The following DHRS12 variants were observed in gnomAD, a reference collection of about 807,000 sequenced individuals.
The protein encoded by DHRS12 is dehydrogenase/reductase SDR family member 12.
DHRS12 carries 29 observed loss-of-function variants against 32.1 expected under a neutral mutation model. That is an observed-to-expected ratio of 0.90 (90% CI 0.67 to 1.23). The LOEUF is 1.23. Ranked by LOEUF, DHRS12 falls within the 50% of genes most tolerant of loss-of-function variation. DHRS12 has a pLI of 0.00. For missense variants in DHRS12, 330 were observed against 337.2 expected, an observed-to-expected ratio of 0.98 and a Z score of 0.17; for synonymous variants, 150 against 135.9, an observed-to-expected ratio of 1.10 and a Z score of -0.72.
chr13:51,791,856 T>C (rs1257956938), intron 2 of DHRS12, among the ~76,000 whole-genome samples: 1 of 152,230 alleles, frequency 6.6e-6, no homozygotes, highest in Non-Finnish European at 1.5e-5. Flanking sequence ...CGAATAGTCT[T>C]TGTCTTTCTG....
At chr13:51,794,679 G>A (rs1435448753) in intron 2 of DHRS12, among the ~76,000 whole-genome samples, 1 of 152,058 alleles carries the variant, frequency 6.6e-6, no homozygotes, top group African/African-American at 2.4e-5. Flanking sequence ...CATAACTCCA[G>A]TGTAATCATC....
At chr13:51,756,007 C>T in the DHRS12 span, among the ~76,000 whole-genome samples, 1 of 151,782 alleles carries the variant, frequency 6.6e-6, no homozygotes, top group South Asian at 2.1e-4. Context: ...ACGGCAGTTT[C>T]TCAGACACCC....
chr13:51,799,718 A>G (rs1422399838), intron 1 of DHRS12, 51 bp from the exon 2 acceptor site: 19 of 1,597,576 alleles, frequency 1.2e-5, no homozygotes, highest in Non-Finnish European at 1.6e-5. Context: ...TGGGGAACAC[A>G]AACCCCTGCA....
chr13:51,786,191 G>A (rs1954947198), intron 4 of DHRS12, among the ~76,000 whole-genome samples: 1 of 152,226 alleles, frequency 6.6e-6, no homozygotes, highest in Non-Finnish European at 1.5e-5. Flanking sequence ...AAGAGCTAAG[G>A]CACCACTGCC....
At position 51,804,103 on chromosome 13, in the gene DHRS12, G is replaced by A; in HGVS notation, c.-58C>T. The A allele has an allele frequency of 6.7e-7, 1 of 1,490,262 alleles. No individual in the cohort carries two copies. 92.3% of individuals were successfully genotyped at this position (1,490,262 alleles called of 1,614,324 possible). ...GCGAACCACACGACGCTGCGGTACAGGGACATGCCGGGAGCGCCCCACGCC... is the reference window on the plus strand; with the variant it reads ...GCGAACCACACGACGCTGCGGTACAAGGACATGCCGGGAGCGCCCCACGCC... On this transcript the variant is annotated 5_prime_UTR_variant, in exon 1 of 9. Coordinates refer to ENST00000444610, the MANE Select transcript of DHRS12 (RefSeq NM_001377533.1).
chr13:51,774,565 TCTCCTACATGTATTCTC>T (rs1954262775), intron 5 of DHRS12: 2 of 13,322 alleles, frequency 1.5e-4, no homozygotes, highest in East Asian at 5.4e-3. Flanking sequence ...CTACATGTAT[TCTCCTACATGTATTCTC>T]CTACAGTATT....
At chr13:51,776,543 A>C (rs909168360) in intron 5 of DHRS12, 3 of 160,964 alleles carry the variant, frequency 1.9e-5, no homozygotes, top group Non-Finnish European at 4.1e-5. Flanking sequence ...AAGGTGACAT[A>C]GTCACAGGTT....
At chr13:51,772,735 T>C (rs1247098293) in intron 6 of DHRS12, 2 of 985,368 alleles carry the variant, frequency 2.0e-6, no homozygotes, top group African/African-American at 3.5e-5. Context: ...GGTAGTTTGA[T>C]CATGCTTGGC....
intron 7 of DHRS12, chr13:51,771,473 C>G: frequency 6.2e-7 from 1 of 1,614,184 alleles, no homozygotes; most frequent in Non-Finnish European, 8.5e-7. Flanking sequence ...CCACTACCTT[C>G]CTCAGCTCCT....
In DHRS12 at chr13:51,768,369, CA is replaced by C. The variant is rs1241073250; in HGVS notation, c.698-74del. The C allele has an allele frequency of 9.8e-6, 15 of 1,529,690 alleles. No homozygotes were observed. The Admixed American group carries it at 3.0e-4, about 30-fold the overall frequency. The allele number at this position is 1,529,690 out of a possible 1,614,324, so 94.8% of individuals were successfully genotyped here. A position where few individuals can be genotyped will look rare whatever the true frequency, so the allele number is the denominator to read the frequency against. Reference sequence around the variant, plus strand: ...GCTGGGTCCATGTCCCTGTGCTGCTCAGGCCTTGAACCGACGCCTGCTGGAG... The same window carrying C: ...GCTGGGTCCATGTCCCTGTGCTGCTCGGCCTTGAACCGACGCCTGCTGGAG... On this transcript the variant is annotated intron_variant, in intron 8 of 8. Transcript: ENST00000444610.
chr13:51,755,664 T>C, the DHRS12 span, among the ~76,000 whole-genome samples: 4 of 152,194 alleles, frequency 2.6e-5, no homozygotes, highest in Admixed American at 2.0e-4. Flanking sequence ...TGGTTCCCAG[T>C]AAGCAGTTAG....
the DHRS12 span, chr13:51,756,312 A>G: frequency 5.6e-6 from 9 of 1,608,418 alleles, no homozygotes; most frequent in African/African-American, 5.4e-5. Context: ...ATGAGTATCT[A>G]TTTTATCTCC....
At chr13:51,773,170 G>T in intron 6 of DHRS12, 1 of 735,324 alleles carries the variant, frequency 1.4e-6, no homozygotes, top group Non-Finnish European at 1.7e-6. Flanking sequence ...GCCCAGAAGT[G>T]TTTCAAGTTT....
chr13:51,801,225 C>T (rs1183609546), intron 1 of DHRS12, among the ~76,000 whole-genome samples: 1 of 152,176 alleles, frequency 6.6e-6, no homozygotes, highest in Non-Finnish European at 1.5e-5. Flanking sequence ...CCCACCCTGT[C>T]GCCCAGGATG....
chr13:51,797,829 G>C (rs1342078971), intron 2 of DHRS12: 2 of 1,535,088 alleles, frequency 1.3e-6, no homozygotes, highest in Admixed American at 3.9e-5. Context: ...TGCTCACCTG[G>C]TTACCGCTCT....
intron 4 of DHRS12, among the ~76,000 whole-genome samples, chr13:51,779,193 G>C (rs958376605): frequency 1.3e-5 from 2 of 152,082 alleles, no homozygotes; most frequent in Non-Finnish European, 2.9e-5. Flanking sequence ...ATCCAAACAG[G>C]CCTGTCATTA....
rs1217760223 is a variant in DHRS12 at position 51,771,908 on chromosome 13, G to C, written c.472C>G (p.Gln158Glu). The C allele has an allele frequency of 6.2e-7, 1 of 1,614,118 alleles. No individual in the cohort carries two copies. Among genetic ancestry groups the C allele is most frequent in the South Asian group, 1.1e-5 (1 of 91,088 alleles). The change falls in exon 7 of 9, where the codon CAG becomes GAG. Residue 158 changes from glutamine (Q) to glutamate (E), a missense_variant. Gln to Glu is a conservative substitution (Grantham distance 29, BLOSUM62 2). Coordinates refer to ENST00000444610, the MANE Select transcript of DHRS12 (RefSeq NM_001377533.1). ...GTMVYAQNKR[Q>E]QVVLTERWAQ... ...CACCGCTCCGTCAGAACCACTTGCT[G>C]CCTCTGGACAGGAAGGAGCGAGGGG...
At chr13:51,755,959 T>A in the DHRS12 span, among the ~76,000 whole-genome samples, 1 of 152,124 alleles carries the variant, frequency 6.6e-6, no homozygotes, top group Non-Finnish European at 1.5e-5. Context: ...TCAGGTTTCC[T>A]GCATGTTCTC....
intron 5 of DHRS12, chr13:51,775,924 C>A (rs1027341207): frequency 4.8e-5 from 7 of 144,614 alleles, no homozygotes; most frequent in Admixed American, 6.9e-5. Flanking sequence ...CTACAGTATT[C>A]TCCTACATGT....
Sources: allele counts gnomAD v4.1 joint callset (sites outside exome capture counted in the v4.1 genomes callset), GRCh38; gene constraint gnomAD v4.1.1; transcripts MANE v1.5; gene names NCBI Gene and HGNC (gene_info 2026-07-23, HGNC 2026-07-21).